Variants in CCDC146 observed in about 807,000 individuals in gnomAD.
CCDC146 encodes coiled-coil domain-containing protein 146.
CCDC146 carries 92 observed loss-of-function variants against 119.3 expected under a neutral mutation model. That is an observed-to-expected ratio of 0.77 (90% CI 0.65 to 0.92). CCDC146 has a LOEUF of 0.92. Among genes scored for constraint, CCDC146 ranks in the 40% least tolerant of loss-of-function variants. The pLI is 0.00. For missense variants in CCDC146, 1,000 were observed against 1,103.0 expected, an observed-to-expected ratio of 0.91 and a Z score of 1.32; for synonymous variants, 372 against 371.8, an observed-to-expected ratio of 1.00 and a Z score of -0.01.
chr7:77,173,017 A>G (rs1385664637), intron 2 of CCDC146, among the ~76,000 whole-genome samples: 1 of 152,082 alleles, frequency 6.6e-6, no homozygotes, highest in Non-Finnish European at 1.5e-5. Flanking sequence ...TATTTTGCAT[A>G]GAAAATGTAG....
chr7:77,278,289 G>A (rs75611871), intron 11 of CCDC146, among the ~76,000 whole-genome samples: 3,894 of 152,110 alleles, frequency 0.026, 85 homozygotes, highest in South Asian at 0.088. Flanking sequence ...GGCTCTTTGC[G>A]TTTTCTCTTC....
chr7:77,160,232 G>A (rs750051188), intron 1 of CCDC146, among the ~76,000 whole-genome samples: 1 of 152,194 alleles, frequency 6.6e-6, no homozygotes, highest in Non-Finnish European at 1.5e-5. Context: ...TTTGGGCTTA[G>A]GATTGACTTG....
chr7:77,274,367 C>T (rs1793584790), intron 10 of CCDC146, 115 bp from the exon 11 acceptor site: 3 of 719,618 alleles, frequency 4.2e-6, no homozygotes, highest in African/African-American at 1.8e-5. Context: ...CCACACCTGG[C>T]CTGTTTAAAA....
In CCDC146 at chr7:77,280,655, TA is replaced by T. The variant is rs749340732; in HGVS notation, c.1919+7del. ...AGCTGTTCAGCATCGAAATGAAAGG[TA>T]AAAACCAGGTGTGAGAACAGAGCAC... On this transcript the variant is annotated splice_donor_region_variant and intron_variant, in intron 14 of 18. Transcript: ENST00000285871. 57 of 1,604,262 alleles carry T rather than the reference TA, an allele frequency of 3.6e-5. No homozygotes were observed. The African/African-American group carries it at 6.8e-4, about 19-fold the overall frequency.
At chr7:77,125,569 G>T (rs2117381532) in intron 1 of CCDC146, among the ~76,000 whole-genome samples, 1 of 151,814 alleles carries the variant, frequency 6.6e-6, no homozygotes, top group South Asian at 2.1e-4. Flanking sequence ...TCCTAAAACT[G>T]ACTCAAATAA....
chr7:77,281,728 CATAG>C (rs1793768710), intron 14 of CCDC146, among the ~76,000 whole-genome samples: 2 of 152,024 alleles, frequency 1.3e-5, no homozygotes, highest in South Asian at 4.2e-4. Flanking sequence ...GAAGGGGAGT[CATAG>C]ATAGAAGCAA....
chr7:77,199,797 T>C (rs1562830992), intron 2 of CCDC146: 1 of 1,612,896 alleles, frequency 6.2e-7, no homozygotes, highest in East Asian at 2.2e-5. Flanking sequence ...GCTTCATCTT[T>C]ACAGTGCTGC....
chr7:77,243,120 C>G (rs1244866976), intron 4 of CCDC146, among the ~76,000 whole-genome samples: 4 of 152,106 alleles, frequency 2.6e-5, no homozygotes, highest in African/African-American at 4.8e-5. Flanking sequence ...AATATGAATG[C>G]TTGACATTTC....
intron 2 of CCDC146, among the ~76,000 whole-genome samples, chr7:77,200,831 T>C (rs1460787795): frequency 6.6e-6 from 1 of 152,240 alleles, no homozygotes; most frequent in Non-Finnish European, 1.5e-5. Flanking sequence ...AACCACCTCC[T>C]TTTAATTTGT....
intron 2 of CCDC146, among the ~76,000 whole-genome samples, chr7:77,178,017 T>A (rs895753524): frequency 6.6e-6 from 1 of 152,202 alleles, no homozygotes; most frequent in Non-Finnish European, 1.5e-5. Context: ...ATTTGAGATA[T>A]CAACATACCT....
intron 4 of CCDC146, among the ~76,000 whole-genome samples, chr7:77,253,324 C>T (rs1407021175): frequency 6.6e-6 from 1 of 152,162 alleles, no homozygotes; most frequent in African/African-American, 2.4e-5. Context: ...TTCGTTATAC[C>T]TCAGGAATGC....
At chr7:77,237,127 C>A (rs958281096) in intron 3 of CCDC146, 98 bp downstream of exon 3, 1 of 965,636 alleles carries the variant, frequency 1.0e-6, no homozygotes, top group African/African-American at 1.6e-5. Flanking sequence ...TAAGCAGACC[C>A]TGAGGCAAGG....
At chr7:77,157,919 G>C (rs1791201560) in intron 1 of CCDC146, among the ~76,000 whole-genome samples, 2 of 152,158 alleles carry the variant, frequency 1.3e-5, no homozygotes, top group Non-Finnish European at 2.9e-5. Flanking sequence ...TGCTCACCAT[G>C]GTACCTATCT....
Position 77,286,913 on chromosome 7 carries a change from A to C in CCDC146, c.2264A>C (p.Gln755Pro), listed in dbSNP as rs759979940. ...GKDLTEKEMIQKLDKLELQLA... is the reference protein window; with the variant it reads ...GKDLTEKEMIPKLDKLELQLA... The stretch of plus-strand genomic sequence containing the variant: ...GATCTGACCGAAAAAGAAATGATCC[A>C]AAAATTAGACAAGGTAAACATTATT... Residue 755 changes from glutamine to proline, a missense_variant, in exon 16 of 19, where the codon CAA becomes CCA. Transcript: ENST00000285871. The C allele has an allele frequency of 3.1e-6, 5 of 1,614,000 alleles. No homozygotes were observed. Among genetic ancestry groups the C allele is most frequent in the Non-Finnish European group, 4.2e-6 (5 of 1,179,986 alleles).
chr7:77,199,235 A>C (rs1415515303), intron 2 of CCDC146: 1 of 1,613,940 alleles, frequency 6.2e-7, no homozygotes, highest in East Asian at 2.2e-5. Flanking sequence ...TTGCCATCCA[A>C]ACTATTGACA....
Position 77,293,156 on chromosome 7 carries a change from C to G in CCDC146, c.2620C>G (p.Arg874Gly). The change falls in exon 18 of 19, where the codon CGA becomes GGA. Residue 874 changes from arginine (R) to glycine (G), a missense_variant. Transcript: ENST00000285871. ...TGAGAAAGAATGGTTGAAAGTCCTT[C>G]GAGATGAAGAAATGCACGCCTTGGC... ...EIEKEWLKVLRDEEMHALAIA... is the reference protein window; with the variant it reads ...EIEKEWLKVLGDEEMHALAIA... 1 of 1,614,060 alleles carries G rather than the reference C, an allele frequency of 6.2e-7. No homozygotes were observed. Among genetic ancestry groups the G allele is most frequent in the East Asian group, 2.2e-5 (1 of 44,882 alleles).
chr7:77,219,350 T>TATCTA (rs776632835), intron 2 of CCDC146, among the ~76,000 whole-genome samples: 1 of 152,206 alleles, frequency 6.6e-6, no homozygotes, highest in Non-Finnish European at 1.5e-5. Flanking sequence ...TTATGTATGG[T>TATCTA]TCTATCTGCT....
chr7:77,261,143 A>T (rs77662894), intron 8 of CCDC146, among the ~76,000 whole-genome samples: 2,535 of 152,106 alleles, frequency 0.017, 89 homozygotes, highest in African/African-American at 0.057. Flanking sequence ...TTAAACTTTT[A>T]AGTTCAAGGT....
At chr7:77,186,958 C>T (rs1791677346) in intron 2 of CCDC146, among the ~76,000 whole-genome samples, 2 of 152,186 alleles carry the variant, frequency 1.3e-5, no homozygotes, top group Non-Finnish European at 2.9e-5. Flanking sequence ...TTGGCCAACA[C>T]TCAGCCATTG....
Sources: gnomAD v4.1 joint callset for allele counts (sites outside exome capture counted in the v4.1 genomes callset) on GRCh38, gnomAD v4.1.1 for gene constraint, MANE v1.5 for transcripts, NCBI Gene and HGNC (gene_info 2026-07-23, HGNC 2026-07-21) for gene names.